Variants in LIN9 observed in about 807,000 individuals in gnomAD.
LIN9 encodes the protein protein lin-9 homolog.
A neutral mutation model predicts 78.0 loss-of-function variants in LIN9; 18 were observed. The ratio of observed to expected loss-of-function variants is 0.23; its 90% confidence interval spans 0.16 to 0.34. The LOEUF is 0.34. Among genes scored for constraint, LIN9 ranks in the 10% least tolerant of loss-of-function variants. The pLI is 1.00. For missense variants in LIN9, 451 were observed against 644.1 expected (o/e 0.70, Z 3.25); for synonymous variants, 192 against 215.2 (o/e 0.89, Z 0.94).
chr1:226,297,491 TA>T (rs1288995496), intron 3 of LIN9, among the ~76,000 whole-genome samples: 2 of 152,230 alleles, frequency 1.3e-5, no homozygotes, highest in African/African-American at 4.8e-5. Context: ...TTGTTTTTCC[TA>T]TTTAAAGAAA....
chr1:226,305,603 T>C (rs1165717549), intron 1 of LIN9, among the ~76,000 whole-genome samples: 3 of 124,588 alleles, frequency 2.4e-5, no homozygotes, highest in East Asian at 4.5e-4. Context: ...AGAAGTTAAC[T>C]GAAAGTAAGG....
At chr1:226,308,892 C>T in intron 1 of LIN9, 1 of 339,288 alleles carries the variant, frequency 2.9e-6, no homozygotes, top group Non-Finnish European at 5.1e-6. Context: ...CGGTTTCCGG[C>T]CCTGGCGCTC....
chr1:226,287,915 A>T (rs1661475712), intron 4 of LIN9, 118 bp from the exon 5 acceptor site: 1 of 645,752 alleles, frequency 1.5e-6, no homozygotes, highest in Admixed American at 3.1e-5. Context: ...AGGTTCACTG[A>T]TTCACTGATA....
intron 1 of LIN9, among the ~76,000 whole-genome samples, chr1:226,303,901 C>T (rs769816824): frequency 6.6e-5 from 10 of 152,186 alleles, no homozygotes; most frequent in South Asian, 2.1e-4. Context: ...CCACCGCAAC[C>T]GGTCCTTCTT....
At chr1:226,272,402 CAG>C (rs1201654069) in intron 7 of LIN9, among the ~76,000 whole-genome samples, 6 of 143,298 alleles carry the variant, frequency 4.2e-5, no homozygotes, top group Non-Finnish European at 9.0e-5. Context: ...TTTTTTGAGA[CAG>C]AGTCTAGCTG....
chr1:226,270,083 C>T lies in LIN9; in HGVS notation c.683-1993G>A, dbSNP rs192012043. Among the ~76,000 whole-genome samples, 673 of 152,160 alleles carry T rather than the reference C, an allele frequency of 4.4e-3. 5 individuals are homozygous for T. The highest frequency in any genetic ancestry group is 0.015 in the African/African-American group (638 of 41,506). ...GATTACAAGTGCCCGCCACCACACC[C>T]GGCTAATTTTTTTTTGTATTTTTAG... is the stretch of plus-strand genomic sequence containing the variant. On this transcript the variant is annotated intron_variant, in intron 7 of 14. Transcript: ENST00000681046.
At chr1:226,289,121 G>C (rs918305924) in intron 4 of LIN9, among the ~76,000 whole-genome samples, 1 of 152,068 alleles carries the variant, frequency 6.6e-6, no homozygotes. Context: ...TGTAGTGCCA[G>C]CTACTCAGGA....
At chr1:226,256,869 T>A (rs1000765738) in intron 10 of LIN9, among the ~76,000 whole-genome samples, 3 of 151,628 alleles carry the variant, frequency 2.0e-5, no homozygotes, top group Non-Finnish European at 2.9e-5. Flanking sequence ...TAAAATAAAA[T>A]TTTTTTTAAG....
In LIN9 at chr1:226,232,151, C is replaced by T; in HGVS notation, c.*350G>A. On this transcript the variant is annotated 3_prime_UTR_variant, in exon 15 of 15. Coordinates refer to ENST00000681046, the MANE Select transcript of LIN9 (RefSeq NM_001366245.2). ...GGTTTCTTCATACTCTCCATTGCAG[C>T]AGTTGTCTGCATGTGTTGCGGTGAA... The T allele has an allele frequency of 2.5e-6, 1 of 399,352 alleles. No individual in the cohort carries two copies. Among genetic ancestry groups the T allele is most frequent in the East Asian group, 3.6e-5 (1 of 28,058 alleles). 24.7% of individuals were successfully genotyped at this position (399,352 alleles called of 1,614,324 possible).
chr1:226,261,413 C>T (rs1659584127), intron 10 of LIN9, among the ~76,000 whole-genome samples: 1 of 151,982 alleles, frequency 6.6e-6, no homozygotes, highest in Non-Finnish European at 1.5e-5. Context: ...AAAAAAATCC[C>T]TGGAACTAAT....
Position 226,277,321 on chromosome 1 carries a change from T to C in LIN9, c.682+454A>G, listed in dbSNP as rs567326605. 2.6e-5 allele frequency among the ~76,000 whole-genome samples: 4 copies of C among 152,338 alleles called. No individual in the cohort carries two copies. The South Asian group carries it at 8.3e-4, about 32-fold the overall frequency. ...CAGTTGGCTTTAGTTTATATTGTAG[T>C]AGATGTTACTTTGAACCAATACACT... On this transcript the variant is annotated intron_variant, in intron 7 of 14. Coordinates refer to ENST00000681046, the MANE Select transcript of LIN9 (RefSeq NM_001366245.2).
intron 4 of LIN9, among the ~76,000 whole-genome samples, chr1:226,289,852 GGGGT>G (rs2102636801): frequency 2.6e-5 from 2 of 76,986 alleles, no homozygotes; most frequent in African/African-American, 4.5e-5. Context: ...GGGGTGGGGG[GGGGT>G]GGGAAAGCTA....
In LIN9 at chr1:226,271,528, A is replaced by G. The variant is rs377140499; in HGVS notation, c.683-3438T>C. Among the ~76,000 whole-genome samples, 27 of 152,292 alleles carry G rather than the reference A, an allele frequency of 1.8e-4. No individual in the cohort carries two copies. The East Asian group carries it at 5.2e-3, about 29-fold the overall frequency. ...TATGGTATATGTCGATAAACAAGCC[A>G]TTTGCCTATGTAAATAATATGTATT... On this transcript the variant is annotated intron_variant, in intron 7 of 14. Transcript: ENST00000681046.
At position 226,232,116 on chromosome 1, in the gene LIN9, A is replaced by G. The variant is rs1657375909; in HGVS notation, c.*385T>C. On this transcript the variant is annotated 3_prime_UTR_variant, in exon 15 of 15. Coordinates refer to ENST00000681046, the MANE Select transcript of LIN9 (RefSeq NM_001366245.2). ...TTTCCACACTGCCACCGACATGAATAAAAAGACCAGGTTTCTTCATACTCT... is the reference window on the plus strand; with the variant it reads ...TTTCCACACTGCCACCGACATGAATGAAAAGACCAGGTTTCTTCATACTCT... 2.5e-6 allele frequency: 1 copy of G among 398,972 alleles called. No homozygotes were observed. The highest frequency in any genetic ancestry group is 4.4e-6 in the Non-Finnish European group (1 of 226,086). 24.7% of individuals were successfully genotyped at this position (398,972 alleles called of 1,614,324 possible).
At chr1:226,268,126 G>C in intron 7 of LIN9, 36 bp from the exon 8 acceptor site, 1 of 1,596,008 alleles carries the variant, frequency 6.3e-7, no homozygotes, top group Non-Finnish European at 8.6e-7. Context: ...ATGTGTGGGA[G>C]ATACAAAGAA....
At chr1:226,234,733 C>A (rs771511699) in intron 12 of LIN9, among the ~76,000 whole-genome samples, 1 of 152,048 alleles carries the variant, frequency 6.6e-6, no homozygotes, top group Admixed American at 6.6e-5. Flanking sequence ...TCTCAGCAGA[C>A]ATATACACTC....
chr1:226,275,458 G>A (rs897231605), intron 7 of LIN9, among the ~76,000 whole-genome samples: 4 of 152,062 alleles, frequency 2.6e-5, no homozygotes, highest in Non-Finnish European at 5.9e-5. Context: ...CACTTTGGGA[G>A]GCCGAGGCGG....
intron 11 of LIN9, among the ~76,000 whole-genome samples, chr1:226,250,382 T>A (rs1658757066): frequency 6.6e-6 from 1 of 152,186 alleles, no homozygotes; most frequent in South Asian, 2.1e-4. Flanking sequence ...AATTCTAGAC[T>A]CATGCAAACT....
chr1:226,303,535 C>T (rs1447850632), intron 1 of LIN9, among the ~76,000 whole-genome samples: 1 of 152,178 alleles, frequency 6.6e-6, no homozygotes, highest in East Asian at 1.9e-4. Flanking sequence ...TCCTGCTCCA[C>T]GAAGGCAGGA....
Sources: gnomAD v4.1 joint callset for allele counts (sites outside exome capture counted in the v4.1 genomes callset) on GRCh38, gnomAD v4.1.1 for gene constraint, MANE v1.5 for transcripts, NCBI Gene and HGNC (gene_info 2026-07-23, HGNC 2026-07-21) for gene names.